The following RSRC1 variants were observed in gnomAD, a reference collection of about 807,000 sequenced individuals.
The protein encoded by RSRC1 is arginine and serine rich coiled-coil 1.
In RSRC1, 39 loss-of-function variants were observed where a neutral mutation model predicts 49.1. That is an observed-to-expected ratio of 0.79 (90% CI 0.61 to 1.04). The LOEUF (loss-of-function observed/expected upper bound fraction) is 1.04. Ranked by LOEUF, RSRC1 falls within the 50% of genes least tolerant of loss-of-function variation. The pLI is 0.00. For synonymous variants in RSRC1, 143 were observed against 130.8 expected (o/e 1.09, Z -0.63); for missense variants, 388 against 402.4 (o/e 0.96, Z 0.31).
intron 3 of RSRC1, among the ~76,000 whole-genome samples, chr3:158,196,901 G>A (rs1423518586): frequency 6.6e-6 from 1 of 152,152 alleles, no homozygotes; most frequent in African/African-American, 2.4e-5. Context: ...GATTCGGTTT[G>A]CCAGTATTTT....
chr3:158,217,767 G>T (rs866355693), intron 4 of RSRC1, among the ~76,000 whole-genome samples: 56 of 143,818 alleles, frequency 3.9e-4, no homozygotes, highest in African/African-American at 1.1e-3. Flanking sequence ...TGTGTGTGTG[G>T]GGGGGGAATT....
intron 6 of RSRC1, among the ~76,000 whole-genome samples, chr3:158,438,373 CA>C (rs1201142309): frequency 6.6e-6 from 1 of 152,036 alleles, no homozygotes; most frequent in Non-Finnish European, 1.5e-5. Flanking sequence ...CAATCCTAAG[CA>C]AAAAGAACAA....
At chr3:158,117,566 A>G (rs538916721) in intron 1 of RSRC1, among the ~76,000 whole-genome samples, 2 of 152,270 alleles carry the variant, frequency 1.3e-5, no homozygotes, top group South Asian at 4.1e-4. Flanking sequence ...TGCTGATATT[A>G]CAAATGTGAG....
chr3:158,422,631 G>C (rs894609289), intron 6 of RSRC1, among the ~76,000 whole-genome samples: 3 of 150,356 alleles, frequency 2.0e-5, no homozygotes, highest in Non-Finnish European at 4.5e-5. Context: ...TCTAGTTCTA[G>C]ATCCCTGAGG....
chr3:158,326,588 T>G (rs561728668), intron 5 of RSRC1, among the ~76,000 whole-genome samples: 1 of 152,300 alleles, frequency 6.6e-6, no homozygotes, highest in East Asian at 1.9e-4. Context: ...GCCAACTAGA[T>G]CATGGTGGAT....
intron 6 of RSRC1, among the ~76,000 whole-genome samples, chr3:158,429,879 A>C (rs1209308021): frequency 1.3e-5 from 2 of 151,652 alleles, no homozygotes; most frequent in Non-Finnish European, 2.9e-5. Context: ...TTCTGTGGGG[A>C]GTGGGAAATA....
intron 6 of RSRC1, among the ~76,000 whole-genome samples, chr3:158,448,073 TTTCTAAAA>T (rs1736816814): frequency 6.6e-6 from 1 of 151,904 alleles, no homozygotes; most frequent in South Asian, 2.1e-4. Flanking sequence ...CCCCAGAGTT[TTTCTAAAA>T]TGCTGAAACA....
chr3:158,216,552 G>T (rs1391460798), intron 4 of RSRC1, among the ~76,000 whole-genome samples: 1 of 151,550 alleles, frequency 6.6e-6, no homozygotes, highest in African/African-American at 2.4e-5. Context: ...TTGCCTCTGA[G>T]AGTAATCCGG....
At chr3:158,124,889 T>C (rs551968859) in intron 3 of RSRC1, among the ~76,000 whole-genome samples, 1 of 151,050 alleles carries the variant, frequency 6.6e-6, no homozygotes, top group Non-Finnish European at 1.5e-5. Flanking sequence ...TGCAGTCAGC[T>C]CACTGCAGCC....
intron 3 of RSRC1, among the ~76,000 whole-genome samples, chr3:158,200,738 A>T (rs1376155156): frequency 6.6e-6 from 1 of 152,058 alleles, no homozygotes; most frequent in Non-Finnish European, 1.5e-5. Context: ...TCACCATTTA[A>T]TGTGAAATAT....
intron 3 of RSRC1, among the ~76,000 whole-genome samples, chr3:158,144,284 C>A (rs1243299588): frequency 6.6e-6 from 1 of 152,068 alleles, no homozygotes; most frequent in Non-Finnish European, 1.5e-5. Context: ...TCCCTCCCCC[C>A]TCCTCCCACC....
intron 6 of RSRC1, among the ~76,000 whole-genome samples, chr3:158,430,770 C>G (rs1259538659): frequency 6.6e-6 from 1 of 151,896 alleles, no homozygotes; most frequent in Non-Finnish European, 1.5e-5. Flanking sequence ...GTATTACCTA[C>G]CACAGTACCT....
intron 4 of RSRC1, among the ~76,000 whole-genome samples, chr3:158,254,882 A>G (rs567694943): frequency 2.8e-4 from 42 of 151,998 alleles, no homozygotes; most frequent in African/African-American, 9.2e-4. Flanking sequence ...AGAAGTGTCT[A>G]TTCATATCCT....
chr3:158,191,541 C>G (rs1028841757), intron 3 of RSRC1, among the ~76,000 whole-genome samples: 5 of 151,884 alleles, frequency 3.3e-5, no homozygotes, highest in African/African-American at 1.2e-4. Flanking sequence ...GTTGCAGGGA[C>G]TTTTCTTATT....
At chr3:158,508,319 T>C (rs2108469308) in intron 7 of RSRC1, among the ~76,000 whole-genome samples, 1 of 152,216 alleles carries the variant, frequency 6.6e-6, no homozygotes, top group East Asian at 1.9e-4. Flanking sequence ...TTTTTTCTTC[T>C]TATTTCTCCC....
chr3:158,381,634 A>G (rs941831136), intron 6 of RSRC1, among the ~76,000 whole-genome samples: 1 of 152,186 alleles, frequency 6.6e-6, no homozygotes, highest in African/African-American at 2.4e-5. Flanking sequence ...CACCTAGGCT[A>G]TATGGTATAG....
chr3:158,472,275 G>C (rs7627374), intron 7 of RSRC1, among the ~76,000 whole-genome samples: 65,747 of 151,832 alleles, frequency 0.43, 14,519 homozygotes, highest in African/African-American at 0.53. Context: ...AATATCTTCT[G>C]TCTGTAAAAT....
chr3:158,218,269 G>A (rs1314648659), intron 4 of RSRC1, among the ~76,000 whole-genome samples: 2 of 151,608 alleles, frequency 1.3e-5, no homozygotes, highest in African/African-American at 4.8e-5. Flanking sequence ...AGATTGCAGA[G>A]GGATAAGTAA....
chr3:158,245,140 C>CCTTTTTTTTTTTTTTTTTTTTTTTTT (rs372285444), intron 4 of RSRC1, among the ~76,000 whole-genome samples: 1 of 146,180 alleles, frequency 6.8e-6, no homozygotes, highest in African/African-American at 2.5e-5. Context: ...ATGTTTCTGG[C>CCTTTTTTTTTTTTTTTTTTTTTTTTT]TTTTTGATGT....
Sources: gnomAD v4.1 joint callset for allele counts (sites outside exome capture counted in the v4.1 genomes callset) on GRCh38, gnomAD v4.1.1 for gene constraint, MANE v1.5 for transcripts, NCBI Gene and HGNC (gene_info 2026-07-23, HGNC 2026-07-21) for gene names.